CDH13: variants seen among roughly 807,000 people sequenced by gnomAD.
CDH13 encodes cadherin-13.
CDH13 carries 24 observed loss-of-function variants against 63.8 expected under a neutral mutation model. That is an observed-to-expected ratio of 0.38 (90% CI 0.27 to 0.53). The LOEUF (loss-of-function observed/expected upper bound fraction) is 0.53. CDH13 is among the 20% of genes least tolerant of loss of function. CDH13 has a pLI of 0.85. For missense variants in CDH13, 1,049 were observed against 903.1 expected (o/e 1.16, Z -2.07); for synonymous variants, 503 against 355.3 (o/e 1.42, Z -4.67).
At chr16:82,860,014 C>A (rs2039872775) in intron 2 of CDH13, among the ~76,000 whole-genome samples, 1 of 152,106 alleles carries the variant, frequency 6.6e-6, no homozygotes, top group East Asian at 1.9e-4. Flanking sequence ...CCATTAGGAA[C>A]CCTCCTTTGT....
At chr16:83,504,038 G>C (rs1437080043) in intron 7 of CDH13, among the ~76,000 whole-genome samples, 1 of 152,070 alleles carries the variant, frequency 6.6e-6, no homozygotes, top group Non-Finnish European at 1.5e-5. Flanking sequence ...GGGTTGATGG[G>C]TGCAGCAAAC....
chr16:82,934,050 G>A (rs1199064840), intron 2 of CDH13, among the ~76,000 whole-genome samples: 3 of 152,214 alleles, frequency 2.0e-5, no homozygotes, highest in Admixed American at 6.5e-5. Flanking sequence ...TTTTCTCACA[G>A]CTCAACTAGG....
At chr16:82,725,510 C>G (rs749704270) in intron 1 of CDH13, among the ~76,000 whole-genome samples, 3 of 152,170 alleles carry the variant, frequency 2.0e-5, no homozygotes, top group Non-Finnish European at 2.9e-5. Flanking sequence ...AAAATAGTAA[C>G]TGCCACATTT....
rs372469683 is a variant in CDH13, at chr16:82,640,573, A to G, written c.45+13436A>G. The stretch of plus-strand genomic sequence containing the variant: ...TAAAATGTTATTTACAAACACAAGC[A>G]GAGCTAGATTGGTCCTTCAGGCTGC... On this transcript the variant is annotated intron_variant, in intron 1 of 13. Transcript: ENST00000567109. 1.7e-3 allele frequency among the ~76,000 whole-genome samples: 261 copies of G among 152,338 alleles called. 1 individual carries two copies. Among genetic ancestry groups the G allele is most frequent in the African/African-American group, 6.0e-3 (250 of 41,584 alleles).
chr16:83,226,893 C>G (rs980414467), intron 5 of CDH13, among the ~76,000 whole-genome samples: 4 of 152,150 alleles, frequency 2.6e-5, no homozygotes, highest in Non-Finnish European at 4.4e-5. Context: ...CATTAGCCAT[C>G]TATATGCCTT....
chr16:83,514,460 C>G (rs759210326), intron 7 of CDH13, among the ~76,000 whole-genome samples: 8 of 152,064 alleles, frequency 5.3e-5, no homozygotes, highest in Non-Finnish European at 1.2e-4. Context: ...CCTGGCCAAC[C>G]TGGTGAAACC....
rs745307317 is a variant in CDH13 at position 83,144,164 on chromosome 16, C to A, written c.483+18663C>A. On this transcript the variant is annotated intron_variant, in intron 4 of 13. Transcript: ENST00000567109. ...AACGTGCCCCTTCCTTCTTTCTCTC[C>A]CTACCTGGAGAGCCTACAGATGTGG... Among the ~76,000 whole-genome samples the A allele has an allele frequency of 3.5e-4, 54 of 152,266 alleles. 1 individual carries two copies. In the Middle Eastern group the frequency reaches 0.01, roughly 29 times the overall value.
intron 2 of CDH13, among the ~76,000 whole-genome samples, chr16:82,901,023 A>C (rs1193923762): frequency 2.0e-5 from 3 of 152,130 alleles, no homozygotes; most frequent in Non-Finnish European, 2.9e-5. Flanking sequence ...CTTGGAGATC[A>C]AGTTAATGCC....
intron 2 of CDH13, among the ~76,000 whole-genome samples, chr16:82,927,091 T>C (rs920164199): frequency 3.3e-5 from 5 of 152,178 alleles, no homozygotes; most frequent in African/African-American, 1.2e-4. Context: ...TGATTCTGGC[T>C]GTTGGCCACA....
chr16:83,695,506 G>C (rs578188777), intron 10 of CDH13, among the ~76,000 whole-genome samples: 28 of 152,214 alleles, frequency 1.8e-4, no homozygotes, highest in Non-Finnish European at 3.4e-4. Flanking sequence ...GAAAGCAGGT[G>C]CCCTTTCTGC....
At chr16:83,496,691 C>T (rs2074153075) in intron 7 of CDH13, among the ~76,000 whole-genome samples, 1 of 152,118 alleles carries the variant, frequency 6.6e-6, no homozygotes, top group African/African-American at 2.4e-5. Context: ...AGCTTCTGCA[C>T]AGCAAAAGAA....
chr16:83,543,804 G>A (rs1024571119), intron 7 of CDH13, among the ~76,000 whole-genome samples: 1 of 152,128 alleles, frequency 6.6e-6, no homozygotes, highest in South Asian at 2.1e-4. Context: ...AGTTCTCATC[G>A]CTACAGAGAA....
chr16:82,865,593 G>A (rs1486119838), intron 2 of CDH13, among the ~76,000 whole-genome samples: 1 of 152,228 alleles, frequency 6.6e-6, no homozygotes, highest in African/African-American at 2.4e-5. Flanking sequence ...GCACAAAGCA[G>A]CAAGGCCCTG....
chr16:83,383,641 G>A (rs2091614435), intron 6 of CDH13, among the ~76,000 whole-genome samples: 1 of 152,144 alleles, frequency 6.6e-6, no homozygotes, highest in African/African-American at 2.4e-5. Flanking sequence ...GTTGTTTTCT[G>A]TTGCTGTCTT....
chr16:83,388,368 G>A (rs539711662), intron 6 of CDH13, among the ~76,000 whole-genome samples: 2 of 151,966 alleles, frequency 1.3e-5, no homozygotes, highest in East Asian at 1.9e-4. Context: ...TGGGAGGATC[G>A]CTTGGGCCCA....
chr16:83,731,801 C>G (rs1280580417), intron 10 of CDH13, among the ~76,000 whole-genome samples: 2 of 152,084 alleles, frequency 1.3e-5, no homozygotes, highest in Non-Finnish European at 2.9e-5. Context: ...AGAAAGTATC[C>G]ATTTTCTTTT....
chr16:82,859,560 A>G (rs1046809064), intron 2 of CDH13: 1 of 152,124 alleles, frequency 6.6e-6, no homozygotes, highest in African/African-American at 2.4e-5. Context: ...TGTGTCTCAA[A>G]AAAGAAAAAA....
Position 83,309,615 on chromosome 16 carries a change from T to G in CDH13, c.637-35247T>G, listed in dbSNP as rs564217317. Among the ~76,000 whole-genome samples the G allele has an allele frequency of 6.6e-5, 10 of 152,322 alleles. No individual in the cohort carries two copies. The East Asian group carries it at 1.5e-3, about 24-fold the overall frequency. The stretch of plus-strand genomic sequence containing the variant: ...TGATCTCGAACTCCTGACCTCGTGA[T>G]CCACCCACCTTGGCCTCCCCAAGTG... On this transcript the variant is annotated intron_variant, in intron 5 of 13. Coordinates refer to ENST00000567109, the MANE Select transcript of CDH13 (RefSeq NM_001257.5).
intron 5 of CDH13, among the ~76,000 whole-genome samples, chr16:83,252,469 C>T (rs1905697970): frequency 6.6e-6 from 1 of 151,956 alleles, no homozygotes; most frequent in Non-Finnish European, 1.5e-5. Flanking sequence ...CTTCCTTGTG[C>T]TTATGGAGAA....
Sources: allele counts gnomAD v4.1 joint callset (sites outside exome capture counted in the v4.1 genomes callset), GRCh38; gene constraint gnomAD v4.1.1; transcripts MANE v1.5; gene names NCBI Gene and HGNC (gene_info 2026-07-23, HGNC 2026-07-21).